The following OSBPL10 variants were observed in gnomAD, a reference collection of about 807,000 sequenced individuals.
OSBPL10 encodes oxysterol-binding protein-related protein 10.
In OSBPL10, 49 loss-of-function variants were observed where a neutral mutation model predicts 81.7. The observed-to-expected ratio is 0.60, with a 90% CI of 0.48 to 0.76. OSBPL10 has a LOEUF of 0.76. OSBPL10 is among the 30% of genes least tolerant of loss of function. OSBPL10 has a pLI of 0.00. For synonymous variants in OSBPL10, 419 were observed against 383.6 expected (o/e 1.09, Z -1.08); for missense variants, 923 against 987.8 (o/e 0.93, Z 0.88).
chr3:31,980,735 G>A (rs1698811957), intron 1 of OSBPL10, among the ~76,000 whole-genome samples, 164 bp downstream of exon 1: 1 of 152,224 alleles, frequency 6.6e-6, no homozygotes, highest in Non-Finnish European at 1.5e-5. Flanking sequence ...CCCACCTGGA[G>A]GGGAGCAGGG....
intron 3 of OSBPL10, among the ~76,000 whole-genome samples, chr3:31,851,864 C>T (rs932018566): frequency 5.9e-5 from 9 of 152,208 alleles, no homozygotes; most frequent in African/African-American, 9.7e-5. Context: ...GCTGCTAAAA[C>T]ATCTCTCACT....
At chr3:31,899,294 A>G (rs969052092) in intron 1 of OSBPL10, among the ~76,000 whole-genome samples, 3 of 152,190 alleles carry the variant, frequency 2.0e-5, no homozygotes, top group African/African-American at 7.2e-5. Context: ...AGGGAAACCA[A>G]TAGAAAATAT....
At chr3:31,874,604 T>C (rs1481695890) in intron 3 of OSBPL10, among the ~76,000 whole-genome samples, 3 of 152,092 alleles carry the variant, frequency 2.0e-5, no homozygotes, top group Non-Finnish European at 4.4e-5. Flanking sequence ...CCAATAAACA[T>C]TTGAAGACAT....
upstream of OSBPL10, among the ~76,000 whole-genome samples, chr3:31,982,562 C>A (rs1340476318): frequency 1.3e-5 from 2 of 152,034 alleles, no homozygotes; most frequent in African/African-American, 4.8e-5. Context: ...GGTGGTTTAG[C>A]TCTAGAGATG....
chr3:31,909,473 A>C (rs1575610344), intron 1 of OSBPL10, among the ~76,000 whole-genome samples: 1 of 152,146 alleles, frequency 6.6e-6, no homozygotes, highest in Admixed American at 6.5e-5. Flanking sequence ...CTTGTGGCTA[A>C]TGAAAGCTAT....
At chr3:31,934,169 T>C (rs985289333) in intron 1 of OSBPL10, among the ~76,000 whole-genome samples, 2 of 151,276 alleles carry the variant, frequency 1.3e-5, no homozygotes, top group Admixed American at 1.3e-4. Flanking sequence ...GGTCTGTTTG[T>C]TGTTTTTACA....
intron 6 of OSBPL10, among the ~76,000 whole-genome samples, chr3:31,719,103 G>A (rs959930512): frequency 6.6e-6 from 1 of 152,102 alleles, no homozygotes; most frequent in Non-Finnish European, 1.5e-5. Context: ...TCATTCCAGT[G>A]GGTGTTCCTG....
chr3:31,669,047 TAGATTAGTTCATAGTAATAC>T (rs1700264144), intron 9 of OSBPL10, among the ~76,000 whole-genome samples: 2 of 152,156 alleles, frequency 1.3e-5, no homozygotes, highest in Non-Finnish European at 2.9e-5. Flanking sequence ...ATAAAGTCTA[TAGATTAGTTCATAGTAATAC>T]AGCAATGTTA....
chr3:31,736,556 G>A (rs548625471), intron 5 of OSBPL10, among the ~76,000 whole-genome samples: 120 of 152,202 alleles, frequency 7.9e-4, no homozygotes, highest in African/African-American at 2.8e-3. Flanking sequence ...ACCAATTCCC[G>A]CCTCAGAAAC....
At chr3:31,979,518 G>A (rs1698771323) in intron 1 of OSBPL10, among the ~76,000 whole-genome samples, 1 of 152,134 alleles carries the variant, frequency 6.6e-6, no homozygotes, top group African/African-American at 2.4e-5. Flanking sequence ...TATAGTCCAT[G>A]CAGCAGAGAT....
chr3:31,784,831 T>A (rs1256472611), intron 4 of OSBPL10, among the ~76,000 whole-genome samples: 1 of 135,816 alleles, frequency 7.4e-6, no homozygotes, highest in African/African-American at 2.8e-5. Context: ...GATTCGCCCA[T>A]CTTGGCCTCC....
At position 31,850,696 on chromosome 3, in the gene OSBPL10, G is replaced by A. The variant is rs188522295; in HGVS notation, c.538-20465C>T. Among the ~76,000 whole-genome samples, 842 of 152,232 alleles carry A rather than the reference G, an allele frequency of 5.5e-3. 8 individuals are homozygous for A. Among genetic ancestry groups the A allele is most frequent in the African/African-American group, 0.019 (785 of 41,530 alleles). ...CATAAAGCTGGCAATTATACTATTC[G>A]TCATCATGCCATCATTATAATCACG... On this transcript the variant is annotated intron_variant, in intron 3 of 11. Coordinates refer to ENST00000396556, the MANE Select transcript of OSBPL10 (RefSeq NM_017784.5).
At chr3:31,965,028 A>T (rs879376379) in intron 1 of OSBPL10, among the ~76,000 whole-genome samples, 3 of 152,144 alleles carry the variant, frequency 2.0e-5, no homozygotes, top group Admixed American at 6.6e-5. Context: ...CCAAATACAT[A>T]TTCTTTCAAG....
chr3:31,975,248 C>A (rs1428508139), intron 1 of OSBPL10, among the ~76,000 whole-genome samples: 1 of 152,108 alleles, frequency 6.6e-6, no homozygotes, highest in African/African-American at 2.4e-5. Flanking sequence ...AGGATTTTAG[C>A]ACACGGCCTC....
chr3:31,963,156 T>A lies in OSBPL10; in HGVS notation c.281+17743A>T, dbSNP rs139995370. ...CAAAAATTATTGATGTTTGCGTACA[T>A]CTGCTTTATCATGCTCTCTAGCCAT... On this transcript the variant is annotated intron_variant, in intron 1 of 11. Transcript: ENST00000396556. Among the ~76,000 whole-genome samples the A allele has an allele frequency of 2.9e-3, 448 of 152,152 alleles. 4 individuals are homozygous for A. Among genetic ancestry groups the A allele is most frequent in the African/African-American group, 0.01 (418 of 41,516 alleles).
chr3:31,961,907 G>GT (rs34399596), intron 1 of OSBPL10, among the ~76,000 whole-genome samples: 29,222 of 129,852 alleles, frequency 0.23, 4,206 homozygotes, highest in African/African-American at 0.46. Context: ...TTTTGTTTTG[G>GT]TTTTTTTTTT....
At chr3:31,864,780 G>A (rs149879840) in intron 3 of OSBPL10, among the ~76,000 whole-genome samples, 1 of 152,274 alleles carries the variant, frequency 6.6e-6, no homozygotes, top group African/African-American at 2.4e-5. Context: ...ACTTGCCTTA[G>A]GAAGTTTGGT....
chr3:31,686,724 C>T (rs1340890778), intron 7 of OSBPL10, among the ~76,000 whole-genome samples: 2 of 152,092 alleles, frequency 1.3e-5, no homozygotes, highest in Admixed American at 1.3e-4. Context: ...CTTATCTGGC[C>T]AAGAAAAGCA....
intron 5 of OSBPL10, among the ~76,000 whole-genome samples, chr3:31,746,093 T>A (rs752924782): frequency 7.9e-5 from 12 of 152,230 alleles, no homozygotes; most frequent in Non-Finnish European, 1.3e-4. Context: ...TTTACCTTTA[T>A]CTTAATCTTC....
Sources: allele counts gnomAD v4.1 joint callset (sites outside exome capture counted in the v4.1 genomes callset), GRCh38; gene constraint gnomAD v4.1.1; transcripts MANE v1.5; gene names NCBI Gene and HGNC (gene_info 2026-07-23, HGNC 2026-07-21).